The following SPATA17 variants were observed in gnomAD, a reference collection of about 807,000 sequenced individuals.
SPATA17 encodes the protein spermatogenesis-associated protein 17.
Under a neutral mutation model 62.2 loss-of-function variants are expected in SPATA17, and 53 were observed. The observed-to-expected ratio is 0.85, with a 90% CI of 0.68 to 1.07. The LOEUF is 1.07. Ranked by LOEUF, SPATA17 falls within the 50% of genes least tolerant of loss-of-function variation. SPATA17 has a pLI of 0.00. For missense variants in SPATA17, 466 were observed against 425.5 expected (o/e 1.10, Z -0.84); for synonymous variants, 146 against 146.8 (o/e 0.99, Z 0.04).
chr1:217,774,639 A>G, intron 7 of SPATA17, 102 bp downstream of exon 7: 1 of 935,514 alleles, frequency 1.1e-6, no homozygotes, highest in Non-Finnish European at 1.6e-6. Flanking sequence ...TTAATTATAT[A>G]GTTTAGTGGG....
chr1:217,705,688 C>T (rs1251935294), intron 5 of SPATA17, among the ~76,000 whole-genome samples: 1 of 152,052 alleles, frequency 6.6e-6, no homozygotes, highest in Non-Finnish European at 1.5e-5. Context: ...ATCCACCTGC[C>T]TCAGCCTCCC....
At chr1:217,674,276 T>G (rs1417368209) in intron 4 of SPATA17, among the ~76,000 whole-genome samples, 1 of 152,168 alleles carries the variant, frequency 6.6e-6, no homozygotes, top group African/African-American at 2.4e-5. Context: ...CAGACTTCAG[T>G]GGATTCTGTT....
chr1:217,713,845 C>T (rs941915898), intron 5 of SPATA17, among the ~76,000 whole-genome samples: 11 of 152,250 alleles, frequency 7.2e-5, no homozygotes, highest in Admixed American at 1.3e-4. Flanking sequence ...CAATATATTA[C>T]GCTACTTCAT....
chr1:217,654,919 G>A (rs922400151), intron 3 of SPATA17, among the ~76,000 whole-genome samples: 26 of 151,990 alleles, frequency 1.7e-4, no homozygotes, highest in Non-Finnish European at 3.7e-4. Context: ...TGCCGTGTTA[G>A]CCAGATGGTC....
intron 9 of SPATA17, among the ~76,000 whole-genome samples, chr1:217,851,588 T>C (rs193010825): frequency 1.8e-4 from 27 of 152,158 alleles, no homozygotes; most frequent in Non-Finnish European, 3.8e-4. Context: ...TAAATTAAAC[T>C]GCAATTAATA....
At chr1:217,656,329 C>T (rs750404642) in intron 3 of SPATA17, among the ~76,000 whole-genome samples, 1 of 152,152 alleles carries the variant, frequency 6.6e-6, no homozygotes, top group Admixed American at 6.6e-5. Flanking sequence ...AATAAGCCAC[C>T]TAAGAATATT....
At chr1:217,829,128 G>A (rs1278766206) in intron 9 of SPATA17, among the ~76,000 whole-genome samples, 1 of 152,030 alleles carries the variant, frequency 6.6e-6, no homozygotes, top group Non-Finnish European at 1.5e-5. Flanking sequence ...ACATTGTAAA[G>A]GTATCTGCAT....
intron 3 of SPATA17, among the ~76,000 whole-genome samples, chr1:217,666,801 A>C (rs1670706383): frequency 6.6e-6 from 1 of 152,194 alleles, no homozygotes; most frequent in Non-Finnish European, 1.5e-5. Context: ...ATGTAAGTGG[A>C]ATAATAAAAT....
At chr1:217,654,879 AT>A (rs1670404590) in intron 3 of SPATA17, among the ~76,000 whole-genome samples, 2 of 151,806 alleles carry the variant, frequency 1.3e-5, no homozygotes, top group Admixed American at 6.6e-5. Context: ...CGCCCGGCTA[AT>A]TTTTGTATTT....
intron 5 of SPATA17, among the ~76,000 whole-genome samples, chr1:217,691,083 T>G (rs1396335223): frequency 6.9e-6 from 1 of 145,368 alleles, no homozygotes; most frequent in Non-Finnish European, 1.5e-5. Context: ...CCACAATGGT[T>G]GAACTAGTTT....
chr1:217,725,634 T>C (rs1168934109), intron 5 of SPATA17, among the ~76,000 whole-genome samples: 2 of 152,106 alleles, frequency 1.3e-5, no homozygotes, highest in Non-Finnish European at 2.9e-5. Context: ...GGCTAATTTT[T>C]GTATTTTTAG....
At chr1:217,834,526 G>C (rs982649469) in intron 9 of SPATA17, among the ~76,000 whole-genome samples, 1 of 151,994 alleles carries the variant, frequency 6.6e-6, no homozygotes, top group Admixed American at 6.6e-5. Flanking sequence ...GTGTATTTAT[G>C]TCTTATTTTT....
chr1:217,662,359 A>G (rs1304073214), intron 3 of SPATA17, among the ~76,000 whole-genome samples: 3 of 152,154 alleles, frequency 2.0e-5, no homozygotes, highest in Non-Finnish European at 4.4e-5. Flanking sequence ...AGTGAATAAC[A>G]TATGTATGGC....
At chr1:217,805,755 C>T (rs1674416599) in intron 9 of SPATA17, among the ~76,000 whole-genome samples, 1 of 152,164 alleles carries the variant, frequency 6.6e-6, no homozygotes, top group Non-Finnish European at 1.5e-5. Flanking sequence ...TAACCTCACA[C>T]ATGTTAGAAT....
chr1:217,744,370 G>A (rs1256221075), intron 6 of SPATA17, among the ~76,000 whole-genome samples: 1 of 69,672 alleles, frequency 1.4e-5, no homozygotes, highest in African/African-American at 3.9e-5. Flanking sequence ...GGCTGAGGCA[G>A]GAGAATGGCG....
At chr1:217,812,028 T>C (rs1674604194) in intron 9 of SPATA17, among the ~76,000 whole-genome samples, 1 of 152,208 alleles carries the variant, frequency 6.6e-6, no homozygotes, top group Non-Finnish European at 1.5e-5. Flanking sequence ...ATGGTTCTTC[T>C]ATGGCAAGAT....
chr1:217,661,338 A>G (rs1204511984), intron 3 of SPATA17, among the ~76,000 whole-genome samples: 1 of 152,024 alleles, frequency 6.6e-6, no homozygotes, highest in African/African-American at 2.4e-5. Context: ...GTGAAGTTCA[A>G]GCAGAAAGAG....
chr1:217,700,079 T>A (rs1445479828), intron 5 of SPATA17, among the ~76,000 whole-genome samples: 2 of 152,306 alleles, frequency 1.3e-5, no homozygotes, highest in South Asian at 4.1e-4. Flanking sequence ...ATAATAAACC[T>A]TAACGTTGGG....
chr1:217,840,856 C>T (rs2103006709), intron 9 of SPATA17, among the ~76,000 whole-genome samples: 1 of 151,324 alleles, frequency 6.6e-6, no homozygotes, highest in South Asian at 2.1e-4. Flanking sequence ...GAGACCCTGT[C>T]TCAAAAAAAT....
Sources: allele counts gnomAD v4.1 joint callset (sites outside exome capture counted in the v4.1 genomes callset), GRCh38; gene constraint gnomAD v4.1.1; transcripts MANE v1.5; gene names NCBI Gene and HGNC (gene_info 2026-07-23, HGNC 2026-07-21).